Variants in KIF3B observed in about 807,000 individuals in gnomAD.
KIF3B encodes kinesin family member 3B.
KIF3B carries 38 observed loss-of-function variants against 74.3 expected under a neutral mutation model. That is an observed-to-expected ratio of 0.51 (90% confidence interval 0.39 to 0.67). KIF3B has a LOEUF of 0.67. Among genes scored for constraint, KIF3B ranks in the 30% least tolerant of loss-of-function variants. KIF3B has a pLI of 0.00. For missense variants in KIF3B, 649 were observed against 932.0 expected, an observed-to-expected ratio of 0.70 and a Z score of 3.95; for synonymous variants, 326 against 342.5, an observed-to-expected ratio of 0.95 and a Z score of 0.53.
chr20:32,289,093 T>C (rs1409567229), intron 1 of KIF3B, among the ~76,000 whole-genome samples: 1 of 151,926 alleles, frequency 6.6e-6, no homozygotes, highest in Non-Finnish European at 1.5e-5. Flanking sequence ...AAACACAACA[T>C]CCAAAATTAT....
At chr20:32,326,207 C>G (rs2047903180) in intron 5 of KIF3B, among the ~76,000 whole-genome samples, 1 of 152,166 alleles carries the variant, frequency 6.6e-6, no homozygotes, top group Non-Finnish European at 1.5e-5. Context: ...ACTTGTCAGA[C>G]AGAGACTGTT....
At chr20:32,297,919 C>T (rs2047723899) in intron 1 of KIF3B, among the ~76,000 whole-genome samples, 1 of 151,780 alleles carries the variant, frequency 6.6e-6, no homozygotes, top group African/African-American at 2.4e-5. Flanking sequence ...ACCAGCCTGA[C>T]CAACATGGAG....
Position 32,316,560 on chromosome 20 carries a change from G to T in KIF3B, c.1540G>T (p.Glu514Ter), listed in dbSNP as rs1428149664. Reference sequence around the variant, plus strand: ...AGAAAGAGAAATCCAGCAACAGATGGAAAGTCGAGATGAGGAGACCTTGGA... The same window carrying T: ...AGAAAGAGAAATCCAGCAACAGATGTAAAGTCGAGATGAGGAGACCTTGGA... ...RREREIQQQMESRDEETLELK... is the reference protein window; with the variant it reads ...RREREIQQQM The change falls in exon 4 of 9, where the codon GAA becomes TAA. Residue 514 changes from glutamate to a stop codon, truncating the protein, a stop_gained. Coordinates refer to ENST00000375712, the MANE Select transcript of KIF3B (RefSeq NM_004798.4). LOFTEE classifies it high-confidence loss of function. The T allele has an allele frequency of 1.2e-6, 2 of 1,613,978 alleles. No individual in the cohort carries two copies. Among genetic ancestry groups the T allele is most frequent in the African/African-American group, 2.7e-5 (2 of 74,936 alleles).
At chr20:32,285,817 T>C (rs752077285) in intron 1 of KIF3B, among the ~76,000 whole-genome samples, 1 of 152,180 alleles carries the variant, frequency 6.6e-6, no homozygotes, top group Non-Finnish European at 1.5e-5. Flanking sequence ...TTTTAGAGCG[T>C]ATTTCTTGGC....
At chr20:32,318,962 CTT>C (rs761729656) in intron 5 of KIF3B, among the ~76,000 whole-genome samples, 2 of 142,920 alleles carry the variant, frequency 1.4e-5, no homozygotes, top group Non-Finnish European at 1.5e-5. Context: ...TCCACATCTT[CTT>C]TTTTTTTTTT....
At chr20:32,284,274 G>A (rs1188100034) in intron 1 of KIF3B, among the ~76,000 whole-genome samples, 3 of 152,066 alleles carry the variant, frequency 2.0e-5, no homozygotes, top group East Asian at 1.9e-4. Flanking sequence ...AGTTTAGAAC[G>A]CTCTTTCCTG....
intron 1 of KIF3B, among the ~76,000 whole-genome samples, chr20:32,287,302 C>T (rs976266150): frequency 1.3e-5 from 2 of 151,630 alleles, no homozygotes; most frequent in African/African-American, 4.9e-5. Context: ...AAGTGTGAGC[C>T]ACCAGGCCCA....
At chr20:32,293,123 G>A (rs973129802) in intron 1 of KIF3B, among the ~76,000 whole-genome samples, 15 of 152,114 alleles carry the variant, frequency 9.9e-5, no homozygotes, top group African/African-American at 1.7e-4. Context: ...ATGTGGTGGG[G>A]TGTGCTTATA....
At chr20:32,322,712 A>ATT (rs2047869959) in intron 5 of KIF3B, among the ~76,000 whole-genome samples, 2 of 65,464 alleles carry the variant, frequency 3.1e-5, no homozygotes, top group African/African-American at 1.4e-4. Flanking sequence ...ATATATTTAT[A>ATT]TATATTTATA....
At chr20:32,300,839 T>G (rs2047739967) in intron 1 of KIF3B, among the ~76,000 whole-genome samples, 2 of 150,702 alleles carry the variant, frequency 1.3e-5, no homozygotes, top group Non-Finnish European at 3.0e-5. Flanking sequence ...TGCTGAGGAT[T>G]TTGTTGTTGT....
chr20:32,308,881 G>A (rs4493341), intron 1 of KIF3B, among the ~76,000 whole-genome samples: 52,137 of 151,478 alleles, frequency 0.34, 10,237 homozygotes, highest in East Asian at 0.74. Flanking sequence ...ACACCCGGCT[G>A]ATTTTTTGTA....
intron 1 of KIF3B, among the ~76,000 whole-genome samples, chr20:32,286,662 T>C (rs1031410019): frequency 2.6e-5 from 4 of 152,194 alleles, no homozygotes; most frequent in African/African-American, 4.8e-5. Flanking sequence ...GACTTTAAGA[T>C]CCACCACTGA....
At chr20:32,306,581 C>G (rs1478923246) in intron 1 of KIF3B, among the ~76,000 whole-genome samples, 1 of 82,842 alleles carries the variant, frequency 1.2e-5, no homozygotes, top group African/African-American at 4.7e-5. Flanking sequence ...AGTTTTTCCT[C>G]TTTTTTTTTT....
At chr20:32,325,648 T>C (rs1294812259) in intron 5 of KIF3B, among the ~76,000 whole-genome samples, 1 of 114,166 alleles carries the variant, frequency 8.8e-6, no homozygotes, top group Non-Finnish European at 1.8e-5. Flanking sequence ...TATCTCTCTC[T>C]CTCTCTCTTT....
chr20:32,306,712 A>AG (rs1430437081), intron 1 of KIF3B, among the ~76,000 whole-genome samples: 3 of 146,968 alleles, frequency 2.0e-5, no homozygotes, highest in African/African-American at 7.5e-5. Flanking sequence ...CTCCTGTCTC[A>AG]GCCTCCCAAG....
At chr20:32,290,596 C>T (rs1458821729) in intron 1 of KIF3B, among the ~76,000 whole-genome samples, 1 of 151,984 alleles carries the variant, frequency 6.6e-6, no homozygotes, top group Non-Finnish European at 1.5e-5. Flanking sequence ...ACAGGCCAGG[C>T]GCGATGGCTC....
At chr20:32,317,445 G>A (rs1205544473) in intron 5 of KIF3B, among the ~76,000 whole-genome samples, 2 of 152,000 alleles carry the variant, frequency 1.3e-5, no homozygotes, top group Non-Finnish European at 2.9e-5. Context: ...ATGATAAGAG[G>A]GAATATTTTA....
At chr20:32,298,284 A>G (rs186986163) in intron 1 of KIF3B, among the ~76,000 whole-genome samples, 202 of 151,482 alleles carry the variant, frequency 1.3e-3, no homozygotes, top group African/African-American at 4.6e-3. Context: ...AACAGATACA[A>G]CAATTAATTG....
At chr20:32,329,357 T>C (rs74916036) in intron 7 of KIF3B, among the ~76,000 whole-genome samples, 12 of 151,058 alleles carry the variant, frequency 7.9e-5, no homozygotes, top group East Asian at 1.9e-4. Flanking sequence ...TTTCTTTTTT[T>C]TTTTTTTTTT....
Sources: gnomAD v4.1 joint callset for allele counts (sites outside exome capture counted in the v4.1 genomes callset) on GRCh38, gnomAD v4.1.1 for gene constraint, MANE v1.5 for transcripts, NCBI Gene and HGNC (gene_info 2026-07-23, HGNC 2026-07-21) for gene names.